The following NXPH1 variants were observed in gnomAD, a reference collection of about 807,000 sequenced individuals.
NXPH1 encodes neurexophilin-1.
Under a neutral mutation model 23.7 loss-of-function variants are expected in NXPH1, and 5 were observed. That is an observed-to-expected ratio of 0.21 (90% CI 0.11 to 0.44). The LOEUF (loss-of-function observed/expected upper bound fraction) is 0.44. Ranked by LOEUF, NXPH1 falls within the 20% of genes least tolerant of loss-of-function variation. NXPH1 has a pLI of 0.99. For synonymous variants in NXPH1, 144 were observed against 122.2 expected, an observed-to-expected ratio of 1.18 and a Z score of -1.18; for missense variants, 324 against 321.6, an observed-to-expected ratio of 1.01 and a Z score of -0.06.
intron 2 of NXPH1, among the ~76,000 whole-genome samples, chr7:8,664,101 A>G (rs536848205): frequency 6.4e-4 from 97 of 151,176 alleles, no homozygotes; most frequent in Non-Finnish European, 1.2e-3. Context: ...TATCCCTAAC[A>G]CATTTTCTCT....
At chr7:8,450,555 T>G (rs906962782) in intron 2 of NXPH1, among the ~76,000 whole-genome samples, 2 of 152,212 alleles carry the variant, frequency 1.3e-5, no homozygotes, top group Admixed American at 6.5e-5. Context: ...AAAATAAAAG[T>G]AGATCCAAGA....
intron 2 of NXPH1, among the ~76,000 whole-genome samples, chr7:8,523,334 T>C (rs888206145): frequency 1.4e-4 from 22 of 152,250 alleles, no homozygotes; most frequent in Admixed American, 3.3e-4. Flanking sequence ...ACCTGTATAT[T>C]GAAGCTGGGG....
chr7:8,681,033 C>A (rs370886962), intron 2 of NXPH1, among the ~76,000 whole-genome samples: 1 of 152,242 alleles, frequency 6.6e-6, no homozygotes, highest in Non-Finnish European at 1.5e-5. Flanking sequence ...CTCAAACACA[C>A]AACTGGCTAG....
chr7:8,548,279 GCTCA>G (rs1435882101), intron 2 of NXPH1, among the ~76,000 whole-genome samples: 1 of 151,506 alleles, frequency 6.6e-6, no homozygotes, highest in Non-Finnish European at 1.5e-5. Flanking sequence ...TCCTAGTGTA[GCTCA>G]CTGTCACTTG....
intron 2 of NXPH1, among the ~76,000 whole-genome samples, chr7:8,476,459 AT>A (rs77595859): frequency 0.032 from 4,539 of 143,436 alleles, 185 homozygotes; most frequent in African/African-American, 0.1. Flanking sequence ...GACGCAATTC[AT>A]TTTTTTTTTT....
At chr7:8,707,432 C>A (rs544941433) in intron 2 of NXPH1, among the ~76,000 whole-genome samples, 12 of 152,106 alleles carry the variant, frequency 7.9e-5, no homozygotes, top group Non-Finnish European at 1.6e-4. Context: ...ATAGTATGTT[C>A]CACAAGGAGT....
At chr7:8,460,059 A>G (rs1816666806) in intron 2 of NXPH1, among the ~76,000 whole-genome samples, 1 of 152,200 alleles carries the variant, frequency 6.6e-6, no homozygotes, top group East Asian at 1.9e-4. Context: ...TTTTGTTCAG[A>G]TGAGTAAATC....
At chr7:8,445,012 T>G (rs757647385) in intron 2 of NXPH1, among the ~76,000 whole-genome samples, 46 of 152,232 alleles carry the variant, frequency 3.0e-4, no homozygotes, top group South Asian at 6.2e-4. Context: ...GACTGTATGA[T>G]GTAGGGCATG....
intron 2 of NXPH1, among the ~76,000 whole-genome samples, chr7:8,731,068 C>T (rs1277556759): frequency 6.7e-6 from 1 of 150,158 alleles, no homozygotes; most frequent in East Asian, 1.9e-4. Flanking sequence ...CTAAACTTCC[C>T]TTCTCGCTTC....
intron 2 of NXPH1, among the ~76,000 whole-genome samples, chr7:8,544,630 G>C (rs1231799524): frequency 6.6e-6 from 1 of 151,642 alleles, no homozygotes; most frequent in African/African-American, 2.4e-5. Context: ...GTGTCATTTT[G>C]ATTTTACGGC....
chr7:8,655,427 T>TATA (rs1349123901), intron 2 of NXPH1, among the ~76,000 whole-genome samples: 1 of 72,102 alleles, frequency 1.4e-5, no homozygotes, highest in African/African-American at 4.5e-5. Flanking sequence ...TCTCTCTCTC[T>TATA]CTCTCTCTCT....
At chr7:8,664,726 C>T (rs1419085047) in intron 2 of NXPH1, among the ~76,000 whole-genome samples, 1 of 152,026 alleles carries the variant, frequency 6.6e-6, no homozygotes, top group African/African-American at 2.4e-5. Context: ...GCCATTTGAA[C>T]AGATGCAAGG....
chr7:8,693,795 T>C (rs1821259560), intron 2 of NXPH1, among the ~76,000 whole-genome samples: 1 of 152,214 alleles, frequency 6.6e-6, no homozygotes, highest in East Asian at 1.9e-4. Flanking sequence ...AATAAGTACA[T>C]ACTTGCTTTG....
chr7:8,745,362 T>C (rs1583258362), intron 2 of NXPH1, among the ~76,000 whole-genome samples: 1 of 149,564 alleles, frequency 6.7e-6, no homozygotes, highest in Non-Finnish European at 1.5e-5. Context: ...ATCTACTCTC[T>C]TAGCATGGTC....
chr7:8,643,959 G>A (rs934682735), intron 2 of NXPH1, among the ~76,000 whole-genome samples: 6 of 151,974 alleles, frequency 3.9e-5, no homozygotes, highest in Non-Finnish European at 8.8e-5. Context: ...TAGTAATACT[G>A]TAGCACGTGC....
At chr7:8,648,536 ACAC>A (rs1231620143) in intron 2 of NXPH1, among the ~76,000 whole-genome samples, 1 of 152,250 alleles carries the variant, frequency 6.6e-6, no homozygotes, top group Non-Finnish European at 1.5e-5. Context: ...TTGTGTATAC[ACAC>A]CACATTTTCT....
intron 2 of NXPH1, among the ~76,000 whole-genome samples, chr7:8,623,684 T>TATTTTTTTTTTTC (rs879750283): frequency 6.7e-6 from 1 of 150,350 alleles, no homozygotes. Context: ...AAGTTCTTAT[T>TATTTTTTTTTTTC]TTTAAGAGAT....
chr7:8,748,672 C>G (rs1185823261), intron 2 of NXPH1, among the ~76,000 whole-genome samples: 1 of 152,208 alleles, frequency 6.6e-6, no homozygotes, highest in Non-Finnish European at 1.5e-5. Context: ...ACAGCAGATG[C>G]AACTGTACTC....
chr7:8,656,494 C>T (rs965006185), intron 2 of NXPH1, among the ~76,000 whole-genome samples: 19 of 143,196 alleles, frequency 1.3e-4, no homozygotes, highest in African/African-American at 7.8e-5. Flanking sequence ...AACTCACAAA[C>T]TGTAGAGTTA....
Sources: gnomAD v4.1 joint callset for allele counts (sites outside exome capture counted in the v4.1 genomes callset) on GRCh38, gnomAD v4.1.1 for gene constraint, MANE v1.5 for transcripts, NCBI Gene and HGNC (gene_info 2026-07-23, HGNC 2026-07-21) for gene names.